The following PKHD1 variants were observed in gnomAD, a reference collection of about 807,000 sequenced individuals.
PKHD1 encodes the protein fibrocystin.
PKHD1 carries 291 observed loss-of-function variants against 412.0 expected under a neutral mutation model. The observed-to-expected ratio is 0.71, with a 90% CI of 0.64 to 0.78. The LOEUF (loss-of-function observed/expected upper bound fraction) is 0.78. Ranked by LOEUF, PKHD1 falls within the 30% of genes least tolerant of loss-of-function variation. PKHD1 has a pLI of 0.00. For synonymous variants in PKHD1, 1,777 were observed against 1,821.5 expected (o/e 0.98, Z 0.62); for missense variants, 4,825 against 4,950.7 (o/e 0.97, Z 0.76).
chr6:51,938,654 C>T (rs1269053), intron 36 of PKHD1, among the ~76,000 whole-genome samples: 104,838 of 150,900 alleles, frequency 0.69, 37,706 homozygotes, highest in East Asian at 0.94. Flanking sequence ...CATACAAAAC[C>T]TGTTTGGTGG....
Position 52,048,581 on chromosome 6 carries a change from A to G in PKHD1, c.2318T>C (p.Leu773Pro), listed in dbSNP as rs144482242. 2.5e-6 allele frequency: 4 copies of G among 1,614,054 alleles called. No homozygotes were observed. In the African/African-American group the frequency reaches 5.3e-5, roughly 22 times the overall value. Residue 773 changes from leucine to proline, a missense_variant, in exon 23 of 67, where the codon CTG becomes CCG. Physicochemically the swap from Leu to Pro is moderately conservative, Grantham distance 98. Coordinates refer to ENST00000371117, the MANE Select transcript of PKHD1 (RefSeq NM_138694.4). Reference protein sequence around the residue: ...PTEGTEEGSGLVLVTTQRRQR... With the variant: ...PTEGTEEGSGPVLVTTQRRQR... ...TCGTCTCTGTGTCGTCACCAGGACC[A>G]GTCCAGATCCCTCTTCTGTTCCTTC... is the stretch of plus-strand genomic sequence containing the variant.
At chr6:52,010,692 CCTTT>C (rs1399362403) in intron 34 of PKHD1, among the ~76,000 whole-genome samples, 1 of 152,154 alleles carries the variant, frequency 6.6e-6, no homozygotes. Context: ...TTCACTGAGG[CCTTT>C]CTCTTTTCCG....
intron 2 of PKHD1, among the ~76,000 whole-genome samples, chr6:52,084,176 C>T (rs774064670): frequency 1.3e-5 from 2 of 152,134 alleles, no homozygotes; most frequent in Non-Finnish European, 2.9e-5. Context: ...AAAGTGTTAC[C>T]GACAGAATTA....
chr6:51,776,392 G>A (rs908656732), intron 53 of PKHD1, among the ~76,000 whole-genome samples: 1 of 151,936 alleles, frequency 6.6e-6, no homozygotes, highest in Admixed American at 6.6e-5. Flanking sequence ...GATATGCAGA[G>A]CAAACCTGAA....
intron 35 of PKHD1, among the ~76,000 whole-genome samples, chr6:51,967,066 C>A (rs1262763211): frequency 6.6e-6 from 1 of 152,060 alleles, no homozygotes; most frequent in Non-Finnish European, 1.5e-5. Flanking sequence ...GCTGTATAGC[C>A]AGATGGCCTT....
chr6:52,026,393 A>G (rs746109278), intron 31 of PKHD1, among the ~76,000 whole-genome samples: 221 of 152,336 alleles, frequency 1.5e-3, no homozygotes, highest in Non-Finnish European at 1.3e-3. Flanking sequence ...AAAATAATAC[A>G]AATTGTTATA....
At chr6:51,694,774 T>C (rs1778598522) in intron 60 of PKHD1, among the ~76,000 whole-genome samples, 1 of 152,068 alleles carries the variant, frequency 6.6e-6, no homozygotes, top group Non-Finnish European at 1.5e-5. Flanking sequence ...ACAATTATGT[T>C]GGGACTGTGT....
chr6:52,042,907 C>T lies in PKHD1; in HGVS notation c.3049G>A (p.Val1017Met). Residue 1017 changes from valine (V) to methionine (M), a missense_variant, in exon 27 of 67, where the codon GTG becomes ATG. Coordinates refer to ENST00000371117, the MANE Select transcript of PKHD1 (RefSeq NM_138694.4). ...TCCACCATATCCAGTCTAGGTTTCA[C>T]ATTTAGGAAGAGGTCTTCTCCAGTG... ...SATGEDLFLN[V>M]KPRLDMVEPS... The T allele has an allele frequency of 6.2e-7, 1 of 1,614,014 alleles. No homozygotes were observed.
chr6:52,075,831 T>G (rs1562292802), intron 6 of PKHD1, among the ~76,000 whole-genome samples: 2 of 152,176 alleles, frequency 1.3e-5, no homozygotes, highest in Non-Finnish European at 2.9e-5. Context: ...TTTTGCTACC[T>G]CATTTCTTCA....
At chr6:51,702,153 T>A (rs1013749676) in intron 60 of PKHD1, among the ~76,000 whole-genome samples, 8 of 146,944 alleles carry the variant, frequency 5.4e-5, no homozygotes, top group African/African-American at 1.5e-4. Flanking sequence ...TATTATTATA[T>A]ATTATATATA....
At chr6:51,750,063 C>T (rs1480168009) in intron 57 of PKHD1, among the ~76,000 whole-genome samples, 1 of 152,176 alleles carries the variant, frequency 6.6e-6, no homozygotes, top group Non-Finnish European at 1.5e-5. Flanking sequence ...CATTTCTCCA[C>T]TACCTTTTCA....
At chr6:51,797,923 GT>G (rs1440419668) in intron 52 of PKHD1, among the ~76,000 whole-genome samples, 10 of 152,196 alleles carry the variant, frequency 6.6e-5, no homozygotes, top group Admixed American at 6.5e-4. Flanking sequence ...ATTTCAGTGT[GT>G]TTTTGTAGTG....
intron 50 of PKHD1, among the ~76,000 whole-genome samples, chr6:51,837,178 A>G (rs1279053875): frequency 6.6e-6 from 1 of 152,136 alleles, no homozygotes; most frequent in Non-Finnish European, 1.5e-5. Flanking sequence ...TTAATTAGTA[A>G]TCAGGTGCAC....
At position 51,830,966 on chromosome 6, in the gene PKHD1, C is replaced by T. The variant is rs1169892523; in HGVS notation, c.8197G>A (p.Ala2733Thr). 4.3e-6 allele frequency: 7 copies of T among 1,612,108 alleles called. No individual in the cohort carries two copies. The East Asian group carries it at 1.6e-4, about 36-fold the overall frequency. Residue 2733 changes from alanine to threonine, a missense_variant, in exon 52 of 67, where the codon GCT becomes ACT. Coordinates refer to ENST00000371117, the MANE Select transcript of PKHD1 (RefSeq NM_138694.4). ...ISASTSAPES[A>T]LKWSLPETWQ... Reference sequence around the variant, plus strand: ...GTTTCAGGGAGGGACCATTTTAAAGCTGATTCAGGGGCAGAGGTAGAAGCT... The same window carrying T: ...GTTTCAGGGAGGGACCATTTTAAAGTTGATTCAGGGGCAGAGGTAGAAGCT...
chr6:51,750,450 G>A (rs542471356), intron 57 of PKHD1, among the ~76,000 whole-genome samples: 8 of 152,238 alleles, frequency 5.3e-5, no homozygotes, highest in East Asian at 1.9e-4. Context: ...CAACATGTCA[G>A]TATTATTGTT....
chr6:51,655,381 T>C (rs1771648944), intron 61 of PKHD1, among the ~76,000 whole-genome samples: 1 of 152,150 alleles, frequency 6.6e-6, no homozygotes, highest in African/African-American at 2.4e-5. Context: ...TTGGCTTTCC[T>C]GGTTTTCTTC....
chr6:52,040,000 T>C (rs773917812), intron 27 of PKHD1, among the ~76,000 whole-genome samples: 4 of 152,318 alleles, frequency 2.6e-5, no homozygotes, highest in African/African-American at 7.2e-5. Context: ...AGAAGCCAGA[T>C]GTAAAAGGTC....
chr6:52,010,199 T>TA, intron 35 of PKHD1, 110 bp downstream of exon 35: 1 of 904,692 alleles, frequency 1.1e-6, no homozygotes, highest in South Asian at 1.4e-5. Flanking sequence ...TGAGCACATT[T>TA]AATATTATAT....
Position 52,056,153 on chromosome 6 carries a change from C to T in PKHD1, c.1694-424G>A, listed in dbSNP as rs573608613. On this transcript the variant is annotated intron_variant, in intron 18 of 66. Coordinates refer to ENST00000371117, the MANE Select transcript of PKHD1 (RefSeq NM_138694.4). Reference sequence around the variant, plus strand: ...CTATAAGAAACTCATTCTGTGTTCCCTGGAGCCTTGAAAACCCTTTAGCAT... The same window carrying T: ...CTATAAGAAACTCATTCTGTGTTCCTTGGAGCCTTGAAAACCCTTTAGCAT... 1.2e-4 allele frequency among the ~76,000 whole-genome samples: 18 copies of T among 152,244 alleles called. No homozygotes were observed. The South Asian group carries it at 3.3e-3, about 28-fold the overall frequency.
Sources: allele counts gnomAD v4.1 joint callset (sites outside exome capture counted in the v4.1 genomes callset), GRCh38; gene constraint gnomAD v4.1.1; transcripts MANE v1.5; gene names NCBI Gene and HGNC (gene_info 2026-07-23, HGNC 2026-07-21).